SYT14: variants seen among roughly 807,000 people sequenced by gnomAD.
SYT14 encodes synaptotagmin 14.
In SYT14, 32 loss-of-function variants were observed where a neutral mutation model predicts 74.2. The ratio of observed to expected loss-of-function variants is 0.43; its 90% CI spans 0.33 to 0.58. The LOEUF (loss-of-function observed/expected upper bound fraction) is 0.58, where lower values mean the gene tolerates loss of function less well. SYT14 is among the 20% of genes least tolerant of loss of function. The probability of loss-of-function intolerance (pLI) is 0.05; values close to 1 mark genes in which losing one functional copy is unlikely to be tolerated. For synonymous variants in SYT14, 298 were observed against 337.7 expected (o/e 0.88, Z 1.29); for missense variants, 791 against 981.8 (o/e 0.81, Z 2.60).
intron 7 of SYT14, among the ~76,000 whole-genome samples, chr1:210,107,832 G>T (rs1370584089): frequency 6.6e-6 from 1 of 151,944 alleles, no homozygotes; most frequent in Non-Finnish European, 1.5e-5. Flanking sequence ...CCTGCAGGAT[G>T]TTTACCTAAT....
chr1:210,031,729 C>A (rs2080540381), intron 5 of SYT14, among the ~76,000 whole-genome samples: 1 of 151,622 alleles, frequency 6.6e-6, no homozygotes, highest in Non-Finnish European at 1.5e-5. Flanking sequence ...CCTTTAATAT[C>A]ATTGTGGCCA....
chr1:209,956,080 C>T (rs2078986879), intron 2 of SYT14, among the ~76,000 whole-genome samples: 1 of 152,118 alleles, frequency 6.6e-6, no homozygotes, highest in Non-Finnish European at 1.5e-5. Flanking sequence ...CCCATCTTAA[C>T]TCCTCATTAA....
At chr1:210,019,547 G>T (rs2080261192) in intron 4 of SYT14, among the ~76,000 whole-genome samples, 1 of 152,074 alleles carries the variant, frequency 6.6e-6, no homozygotes, top group Non-Finnish European at 1.5e-5. Context: ...TACATATTGG[G>T]CAAGCACTGC....
intron 5 of SYT14, among the ~76,000 whole-genome samples, chr1:210,083,524 T>G (rs2081658388): frequency 6.6e-6 from 1 of 152,064 alleles, no homozygotes; most frequent in Non-Finnish European, 1.5e-5. Context: ...ACGATCGTCT[T>G]TTAGTAGCTG....
At chr1:209,953,280 G>A (rs71636143) in intron 2 of SYT14, 4 of 1,282,206 alleles carry the variant, frequency 3.1e-6, no homozygotes, top group Non-Finnish European at 4.1e-6. Context: ...TACTAGGTGG[G>A]AGGCAAGGAA....
chr1:210,107,774 A>G (rs1386477681), intron 7 of SYT14, among the ~76,000 whole-genome samples: 1 of 152,184 alleles, frequency 6.6e-6, no homozygotes, highest in Non-Finnish European at 1.5e-5. Flanking sequence ...TATTTTTATA[A>G]AAGTATTTCT....
At chr1:209,941,595 T>C (rs1490578220) in intron 1 of SYT14, among the ~76,000 whole-genome samples, 2 of 152,216 alleles carry the variant, frequency 1.3e-5, no homozygotes, top group African/African-American at 2.4e-5. Context: ...CCTGACCTAA[T>C]GTTCTAGTGG....
At chr1:210,168,071 G>A (rs1193133218) in exon 10 of SYT14, 5 of 153,374 alleles carry the variant, frequency 3.3e-5, no homozygotes, top group South Asian at 2.0e-4. Flanking sequence ...TTTCGGTGGT[G>A]GTGGTGGTGG....
At position 209,952,307 on chromosome 1, in the gene SYT14, A is replaced by G. The variant is rs138676264; in HGVS notation, c.-533-402A>G. On this transcript the variant is annotated intron_variant, in intron 1 of 9. Coordinates refer to ENST00000637265, the Ensembl canonical transcript of SYT14. Reference sequence around the variant, plus strand: ...ATAATGTGAGCATATATGATAAAATATAAATAGTAACTTTACAGGATTGAC... The same window carrying G: ...ATAATGTGAGCATATATGATAAAATGTAAATAGTAACTTTACAGGATTGAC... 3.3e-5 allele frequency among the ~76,000 whole-genome samples: 5 copies of G among 152,330 alleles called. No homozygotes were observed. In the East Asian group the frequency reaches 9.6e-4, roughly 29 times the overall value.
At chr1:210,160,773 A>T (rs2083357119) in exon 10 of SYT14, 1 of 1,613,990 alleles carries the variant, frequency 6.2e-7, no homozygotes, top group Non-Finnish European at 8.5e-7. Context: ...GGGTCAAGAG[A>T]TGTCCAAATG....
chr1:210,049,412 T>C (rs1165942460), intron 5 of SYT14, among the ~76,000 whole-genome samples: 2 of 151,544 alleles, frequency 1.3e-5, no homozygotes, highest in African/African-American at 4.9e-5. Context: ...TAATCTTTTA[T>C]GTGGATTTTG....
At chr1:210,064,885 T>C (rs1269721325) in intron 5 of SYT14, among the ~76,000 whole-genome samples, 1 of 152,064 alleles carries the variant, frequency 6.6e-6, no homozygotes, top group African/African-American at 2.4e-5. Context: ...CCACCAGCAA[T>C]GCATGAGGGT....
chr1:210,061,286 G>A (rs1032327807), intron 5 of SYT14, among the ~76,000 whole-genome samples: 2 of 151,898 alleles, frequency 1.3e-5, no homozygotes, highest in East Asian at 3.9e-4. Flanking sequence ...AATGATGTTC[G>A]TATCTGGAGG....
exon 10 of SYT14, chr1:210,162,012 C>T (rs1558232969): frequency 2.2e-6 from 1 of 453,288 alleles, no homozygotes; most frequent in Admixed American, 2.4e-5. Context: ...TAGTAACCAA[C>T]ACTGCGTAAA....
intron 5 of SYT14, among the ~76,000 whole-genome samples, chr1:210,083,353 G>T (rs1034775314): frequency 6.6e-6 from 1 of 152,148 alleles, no homozygotes; most frequent in Admixed American, 6.5e-5. Context: ...CTTTCAAGGC[G>T]TGACATAAAA....
intron 7 of SYT14, among the ~76,000 whole-genome samples, chr1:210,116,166 A>G (rs974315896): frequency 6.6e-6 from 1 of 152,182 alleles, no homozygotes; most frequent in African/African-American, 2.4e-5. Context: ...ACTTCAGGCC[A>G]TCTGGATGTA....
In SYT14 at chr1:210,159,492, A is replaced by G. The variant is rs1237043369; in HGVS notation, c.2281+15A>G. On this transcript the variant is annotated intron_variant, in intron 9 of 9. Transcript: ENST00000637265. Reference sequence around the variant, plus strand: ...TATAATCCGAGGTGAGTTCCTGTAGAGGCTAATTGGATGTTGTCTTTTCAT... The same window carrying G: ...TATAATCCGAGGTGAGTTCCTGTAGGGGCTAATTGGATGTTGTCTTTTCAT... 6.4e-7 allele frequency: 1 copy of G among 1,550,936 alleles called. No homozygotes were observed. Among genetic ancestry groups the G allele is most frequent in the Non-Finnish European group, 8.7e-7 (1 of 1,146,480 alleles).
At chr1:210,062,587 A>G (rs2081226198) in intron 5 of SYT14, among the ~76,000 whole-genome samples, 1 of 151,908 alleles carries the variant, frequency 6.6e-6, no homozygotes, top group Admixed American at 6.6e-5. Flanking sequence ...CAACACGTCC[A>G]TTTTGAATTC....
chr1:210,128,387 A>G (rs1317346391), intron 7 of SYT14, among the ~76,000 whole-genome samples: 2 of 152,118 alleles, frequency 1.3e-5, no homozygotes, highest in Non-Finnish European at 2.9e-5. Flanking sequence ...AAAAAAAAAA[A>G]AAAGTAGATG....
Sources: gnomAD v4.1 joint callset for allele counts (sites outside exome capture counted in the v4.1 genomes callset) on GRCh38, gnomAD v4.1.1 for gene constraint, MANE v1.5 for transcripts, NCBI Gene and HGNC (gene_info 2026-07-23, HGNC 2026-07-21) for gene names.